Variants in SLC9B2 observed in about 807,000 individuals in gnomAD.
The protein encoded by SLC9B2 is sodium/hydrogen exchanger 9B2.
SLC9B2 carries 39 observed loss-of-function variants against 52.2 expected under a neutral mutation model. The observed-to-expected ratio is 0.75, with a 90% CI of 0.58 to 0.98. The LOEUF (loss-of-function observed/expected upper bound fraction) is 0.98, where lower values mean the gene tolerates loss of function less well. Among genes scored for constraint, SLC9B2 ranks in the 50% least tolerant of loss-of-function variants. The pLI, the probability that SLC9B2 is intolerant of heterozygous loss-of-function variation, is 0.00. For missense variants in SLC9B2, 626 were observed against 637.5 expected, an observed-to-expected ratio of 0.98 and a Z score of 0.19; for synonymous variants, 214 against 227.0, an observed-to-expected ratio of 0.94 and a Z score of 0.51.
intron 11 of SLC9B2, among the ~76,000 whole-genome samples, chr4:103,027,281 A>G (rs1211863580): frequency 2.0e-5 from 3 of 152,202 alleles, no homozygotes; most frequent in East Asian, 3.8e-4. Flanking sequence ...ATGTGGAACT[A>G]AAAAATAAGA....
At chr4:103,065,340 A>G (rs1746026935) in intron 3 of SLC9B2, 1 of 151,598 alleles carries the variant, frequency 6.6e-6, no homozygotes, top group Admixed American at 6.6e-5. Flanking sequence ...AATATATTGT[A>G]TTCTTGAAAA....
intron 3 of SLC9B2, among the ~76,000 whole-genome samples, chr4:103,058,918 T>G (rs1745392032): frequency 6.6e-6 from 1 of 151,914 alleles, no homozygotes; most frequent in Admixed American, 6.6e-5. Context: ...AATATAAAAA[T>G]TATCTGGGTA....
At chr4:103,031,962 A>C (rs72937388) in intron 9 of SLC9B2, among the ~76,000 whole-genome samples, 154 bp from the exon 10 acceptor site, 319 of 152,294 alleles carry the variant, frequency 2.1e-3, no homozygotes, top group African/African-American at 7.5e-3. Context: ...GAGCAAAAAA[A>C]CTGCATGAAG....
At chr4:103,021,491 A>AC (rs1741787519), downstream of SLC9B2, among the ~76,000 whole-genome samples, 1 of 152,012 alleles carries the variant, frequency 6.6e-6, no homozygotes, top group Non-Finnish European at 1.5e-5. Flanking sequence ...CTAATAAAAA[A>AC]CATTTAAACA....
At chr4:103,075,322 A>G (rs978999711) in intron 1 of SLC9B2, among the ~76,000 whole-genome samples, 1 of 152,002 alleles carries the variant, frequency 6.6e-6, no homozygotes, top group Non-Finnish European at 1.5e-5. Context: ...GCTAATTTTT[A>G]TATTTTTAGT....
At chr4:103,048,852 T>C in intron 6 of SLC9B2, 41 bp downstream of exon 6, 1 of 1,605,766 alleles carries the variant, frequency 6.2e-7, no homozygotes, top group Non-Finnish European at 8.5e-7. Context: ...AAGCCCTAAA[T>C]GTCCCTACAT....
At chr4:103,026,659 T>A in intron 11 of SLC9B2, 68 bp from the exon 12 acceptor site, 1 of 1,469,672 alleles carries the variant, frequency 6.8e-7, no homozygotes, top group Non-Finnish European at 9.2e-7. Context: ...GTGAGTTTTT[T>A]ATTGTTTGCA....
Position 103,043,306 on chromosome 4 carries a change from G to T in SLC9B2, c.1136C>A (p.Thr379Asn). The T allele has an allele frequency of 1.2e-6, 2 of 1,607,382 alleles. No homozygotes were observed. Among genetic ancestry groups the T allele is most frequent in the Non-Finnish European group, 8.5e-7 (1 of 1,178,352 alleles). ...VMAFLAGMGW[T>N]SEKAEVEKII... ...TAAAATGAAATTCACCTTTTCGCTG[G>T]TCCATCCCATGCCTGCAAGGAAAGC... Residue 379 changes from threonine to asparagine, a missense_variant, in exon 9 of 12, where the codon ACC becomes AAC. Coordinates refer to ENST00000394785, the MANE Select transcript of SLC9B2 (RefSeq NM_178833.7).
At chr4:103,019,728 G>A, downstream of SLC9B2, 7 of 985,614 alleles carry the variant, frequency 7.1e-6, no homozygotes, top group Non-Finnish European at 8.4e-6. Context: ...CCGCGCAGGG[G>A]CGGGGCGGGG....
rs1744857665 is a variant in SLC9B2 at position 103,053,390 on chromosome 4, A to G, written c.443-3008T>C. Among the ~76,000 whole-genome samples the G allele has an allele frequency of 3.3e-5, 5 of 152,354 alleles. No homozygotes were observed. The South Asian group carries it at 1.0e-3, about 32-fold the overall frequency. On this transcript the variant is annotated intron_variant, in intron 4 of 11. Coordinates refer to ENST00000394785, the MANE Select transcript of SLC9B2 (RefSeq NM_178833.7). Reference sequence around the variant, plus strand: ...CTTTCTTCCTCTATGCAAGTATACAACTATAAAAAAGAATGGTAAAATACA... The same window carrying G: ...CTTTCTTCCTCTATGCAAGTATACAGCTATAAAAAAGAATGGTAAAATACA...
At chr4:103,053,127 T>A (rs1426464799) in intron 4 of SLC9B2, among the ~76,000 whole-genome samples, 2 of 152,150 alleles carry the variant, frequency 1.3e-5, no homozygotes, top group Non-Finnish European at 2.9e-5. Context: ...TTATTTGTGT[T>A]ATGGAAATTT....
At chr4:103,031,656 CA>C (rs773315845) in intron 10 of SLC9B2, 43 bp downstream of exon 10, 8 of 1,531,362 alleles carry the variant, frequency 5.2e-6, no homozygotes, top group Admixed American at 1.7e-5. Context: ...GTAGGCTGAC[CA>C]AAAAAAGTGA....
At chr4:103,035,877 T>C (rs577240875) in intron 9 of SLC9B2, among the ~76,000 whole-genome samples, 2 of 152,288 alleles carry the variant, frequency 1.3e-5, no homozygotes, top group South Asian at 4.1e-4. Flanking sequence ...TCAACCTACA[T>C]GCCCATCAAC....
At chr4:103,063,493 T>C (rs1320468524) in intron 3 of SLC9B2, among the ~76,000 whole-genome samples, 1 of 152,226 alleles carries the variant, frequency 6.6e-6, no homozygotes. Flanking sequence ...CATCCATATA[T>C]TTACTTCAAT....
At chr4:103,064,745 C>A (rs994933911) in intron 3 of SLC9B2, among the ~76,000 whole-genome samples, 1 of 151,824 alleles carries the variant, frequency 6.6e-6, no homozygotes, top group South Asian at 2.1e-4. Context: ...TCATATTGTA[C>A]CCCACAAATA....
chr4:103,024,159 T>G lies in SLC9B2; in HGVS notation c.*2211A>C, dbSNP rs80180567. Among the ~76,000 whole-genome samples, 1,605 of 152,336 alleles carry G rather than the reference T, an allele frequency of 0.011. 17 individuals carry two copies. Among genetic ancestry groups the G allele is most frequent in the African/African-American group, 0.033 (1,366 of 41,564 alleles). ...GCAATGTCTTGTTTAACTGTCTGTT[T>G]TCTCTATTGGACTGTTAAATCCTTA... On this transcript the variant is annotated 3_prime_UTR_variant, in exon 12 of 12. Coordinates refer to ENST00000394785, the MANE Select transcript of SLC9B2 (RefSeq NM_178833.7).
downstream of SLC9B2, among the ~76,000 whole-genome samples, chr4:103,021,051 GT>G (rs1189079451): frequency 6.6e-6 from 1 of 152,186 alleles, no homozygotes; most frequent in African/African-American, 2.4e-5. Flanking sequence ...TTAAGGAAAT[GT>G]TTTGTACTCA....
Position 103,025,201 on chromosome 4 carries a change from C to T in SLC9B2, c.*1169G>A, listed in dbSNP as rs1416787815. On this transcript the variant is annotated 3_prime_UTR_variant, in exon 12 of 12. Coordinates refer to ENST00000394785, the MANE Select transcript of SLC9B2 (RefSeq NM_178833.7). ...CCTCAAAAATAAATTGCTATACTTG[C>T]ATTTTCCTTGAGAGATAGAATGGAG... 1.3e-5 allele frequency among the ~76,000 whole-genome samples: 2 copies of T among 152,282 alleles called. No homozygotes were observed. Among genetic ancestry groups the T allele is most frequent in the Admixed American group, 6.5e-5 (1 of 15,298 alleles).
chr4:103,055,827 G>A (rs1342239234), intron 4 of SLC9B2, among the ~76,000 whole-genome samples: 2 of 145,104 alleles, frequency 1.4e-5, no homozygotes, highest in Admixed American at 6.9e-5. Context: ...TTTTTGAGGC[G>A]GATTCTCGCT....
Sources: gnomAD v4.1 joint callset for allele counts (sites outside exome capture counted in the v4.1 genomes callset) on GRCh38, gnomAD v4.1.1 for gene constraint, MANE v1.5 for transcripts, NCBI Gene and HGNC (gene_info 2026-07-23, HGNC 2026-07-21) for gene names.